NSG1: variants seen among roughly 807,000 people sequenced by gnomAD.
The protein encoded by NSG1 is neuronal vesicle trafficking-associated protein 1.
A neutral mutation model predicts 19.3 loss-of-function variants in NSG1; 9 were observed. That is an observed-to-expected ratio of 0.47 (90% CI 0.28 to 0.81). The LOEUF is 0.81. NSG1 is among the 40% of genes least tolerant of loss of function. NSG1 has a pLI of 0.11. For missense variants in NSG1, 236 were observed against 242.4 expected, an observed-to-expected ratio of 0.97 and a Z score of 0.18; for synonymous variants, 104 against 107.0, an observed-to-expected ratio of 0.97 and a Z score of 0.17.
At chr4:4,414,565 C>A (rs556385224) in intron 4 of NSG1, among the ~76,000 whole-genome samples, 2 of 152,178 alleles carry the variant, frequency 1.3e-5, no homozygotes, top group African/African-American at 4.8e-5. Flanking sequence ...CATATTTGTG[C>A]GTGTGTTTGT....
intron 3 of NSG1, among the ~76,000 whole-genome samples, chr4:4,405,735 G>A (rs902045964): frequency 2.6e-5 from 4 of 152,160 alleles, no homozygotes; most frequent in South Asian, 2.1e-4. Flanking sequence ...CGGGCCGCCC[G>A]CTGACTCTCC....
intron 3 of NSG1, among the ~76,000 whole-genome samples, chr4:4,403,642 C>T (rs974449610): frequency 1.3e-5 from 2 of 152,144 alleles, no homozygotes; most frequent in South Asian, 2.1e-4. Flanking sequence ...TATACATTTC[C>T]GGGAGTAGGA....
chr4:4,393,761 C>T (rs1159500572), intron 3 of NSG1, among the ~76,000 whole-genome samples: 2 of 152,160 alleles, frequency 1.3e-5, no homozygotes, highest in Non-Finnish European at 2.9e-5. Context: ...CTCTGTGACT[C>T]TCTAGCTTCA....
rs370979843 is a variant in NSG1 at position 4,409,547 on chromosome 4, CCT to C, written c.247-25_247-24del. On this transcript the variant is annotated intron_variant, in intron 3 of 4. Coordinates refer to ENST00000621129, the MANE Select transcript of NSG1 (RefSeq NM_014392.5). ...TCTGTCCTGCTGCCTTCCGGCCACC[CCT>C]GACAGTCCCACCTCTGCCCACAGGT... is the stretch of plus-strand genomic sequence containing the variant. 3.2e-4 allele frequency: 510 copies of C among 1,587,304 alleles called. 1 individual carries two copies. In the African/African-American group the frequency reaches 6.2e-3, roughly 19 times the overall value.
chr4:4,417,152 A>G, intron 4 of NSG1, 83 bp from the exon 5 acceptor site: 1 of 1,163,488 alleles, frequency 8.6e-7, no homozygotes, highest in Non-Finnish European at 1.3e-6. Context: ...GAAGGTGCTC[A>G]GTAACTGTTG....
rs1724723680 is a variant in NSG1 at position 4,418,585 on chromosome 4, A to T, written c.*1150A>T. ...GAACTAAGTGTGTAAAACAAATAGAAAAGACATTCGCAGACATTTCTTCTA... is the reference window on the plus strand; with the variant it reads ...GAACTAAGTGTGTAAAACAAATAGATAAGACATTCGCAGACATTTCTTCTA... On this transcript the variant is annotated 3_prime_UTR_variant, in exon 5 of 5. Transcript: ENST00000621129. The T allele has an allele frequency of 6.6e-6, 1 of 152,662 alleles. No individual in the cohort carries two copies. Among genetic ancestry groups the T allele is most frequent in the South Asian group, 2.1e-4 (1 of 4,828 alleles). 9.5% of individuals were successfully genotyped at this position (152,662 alleles called of 1,614,324 possible).
At position 4,417,964 on chromosome 4, in the gene NSG1, A is replaced by C. The variant is rs1577300385; in HGVS notation, c.*529A>C. Reference sequence around the variant, plus strand: ...AGAGAACGAGGAAAAAGACCCCCCCACCCCTCCCTGTGCTGACTCCTGAGT... The same window carrying C: ...AGAGAACGAGGAAAAAGACCCCCCCCCCCCTCCCTGTGCTGACTCCTGAGT... On this transcript the variant is annotated 3_prime_UTR_variant, in exon 5 of 5. Transcript: ENST00000621129. 2.5e-5 allele frequency: 4 copies of C among 162,176 alleles called. No homozygotes were observed. The highest frequency in any genetic ancestry group is 7.3e-5 in the African/African-American group (3 of 41,096). 10.0% of individuals were successfully genotyped at this position (162,176 alleles called of 1,614,324 possible).
chr4:4,411,860 T>C (rs925575289), intron 4 of NSG1, among the ~76,000 whole-genome samples: 14 of 151,840 alleles, frequency 9.2e-5, no homozygotes, highest in African/African-American at 3.4e-4. Context: ...ACTTTTTTTT[T>C]TTAATAACTA....
At chr4:4,402,047 ATT>A (rs35299425) in intron 3 of NSG1, among the ~76,000 whole-genome samples, 84,286 of 122,150 alleles carry the variant, frequency 0.69, 29,335 homozygotes, top group East Asian at 0.91. Flanking sequence ...TGCCCAGCTA[ATT>A]TTTTTTTTTT....
chr4:4,402,368 GTTATTTTTTTTTTTT>G (rs1723597356), intron 3 of NSG1, among the ~76,000 whole-genome samples: 2 of 99,604 alleles, frequency 2.0e-5, no homozygotes, highest in African/African-American at 8.3e-5. Flanking sequence ...ACCACGCCTG[GTTATTTTTTTTTTTT>G]TTTTTTTTTT....
intron 2 of NSG1, among the ~76,000 whole-genome samples, chr4:4,390,879 G>C (rs113442409): frequency 3.3e-5 from 5 of 152,220 alleles, no homozygotes; most frequent in South Asian, 4.1e-4. Context: ...TTCACAGTAG[G>C]GGGTGGAGGG....
At chr4:4,407,423 G>A (rs186864634) in intron 3 of NSG1, among the ~76,000 whole-genome samples, 249 of 152,262 alleles carry the variant, frequency 1.6e-3, no homozygotes, top group African/African-American at 5.8e-3. Context: ...GTAGCAGGTA[G>A]CCAGGCGGAG....
intron 2 of NSG1, among the ~76,000 whole-genome samples, 187 bp downstream of exon 2, chr4:4,387,945 G>T (rs1001646642): frequency 6.6e-6 from 1 of 150,466 alleles, no homozygotes; most frequent in Non-Finnish European, 1.5e-5. Flanking sequence ...GCTGGGCGGG[G>T]GAGGGGAGCC....
chr4:4,399,636 A>G (rs562930401), intron 3 of NSG1, among the ~76,000 whole-genome samples: 57 of 152,250 alleles, frequency 3.7e-4, no homozygotes, highest in Non-Finnish European at 7.4e-4. Flanking sequence ...TTGGTGAAGT[A>G]TCATTTATTT....
chr4:4,407,017 C>T (rs1577291044), intron 3 of NSG1, among the ~76,000 whole-genome samples: 1 of 152,390 alleles, frequency 6.6e-6, no homozygotes, highest in East Asian at 1.9e-4. Context: ...GGCCTGTGCA[C>T]TGCAGCTGTG....
chr4:4,405,272 A>G (rs1304991374), intron 3 of NSG1, among the ~76,000 whole-genome samples: 2 of 151,940 alleles, frequency 1.3e-5, no homozygotes, highest in Non-Finnish European at 2.9e-5. Flanking sequence ...TCTACATCCA[A>G]ATTTCCCCTC....
chr4:4,416,378 C>G (rs990214256), intron 4 of NSG1, among the ~76,000 whole-genome samples: 3 of 152,170 alleles, frequency 2.0e-5, no homozygotes, highest in Non-Finnish European at 4.4e-5. Context: ...ATAAAGTATT[C>G]TCATCTTTAG....
At chr4:4,413,874 A>C (rs888920287) in intron 4 of NSG1, among the ~76,000 whole-genome samples, 2 of 151,832 alleles carry the variant, frequency 1.3e-5, no homozygotes, top group Non-Finnish European at 2.9e-5. Flanking sequence ...AGACTGGAGA[A>C]CTGATTTAAT....
At chr4:4,390,946 T>A (rs1195315280) in intron 2 of NSG1, among the ~76,000 whole-genome samples, 1 of 145,292 alleles carries the variant, frequency 6.9e-6, no homozygotes, top group Non-Finnish European at 1.5e-5. Flanking sequence ...GAGAGGAGGA[T>A]GTGGGGGTGG....
Sources: gnomAD v4.1 joint callset for allele counts (sites outside exome capture counted in the v4.1 genomes callset) on GRCh38, gnomAD v4.1.1 for gene constraint, MANE v1.5 for transcripts, NCBI Gene and HGNC (gene_info 2026-07-23, HGNC 2026-07-21) for gene names.